RAD54L2: variants seen among roughly 807,000 people sequenced by gnomAD.
The protein encoded by RAD54L2 is helicase ARIP4.
A neutral mutation model predicts 138.4 loss-of-function variants in RAD54L2; 27 were observed. The observed-to-expected ratio is 0.20, with a 90% CI of 0.14 to 0.27. The LOEUF is 0.27. RAD54L2 is among the 10% of genes least tolerant of loss of function. The pLI is 1.00. For missense variants in RAD54L2, 1,396 were observed against 1,890.2 expected (o/e 0.74, Z 4.85); for synonymous variants, 644 against 723.2 (o/e 0.89, Z 1.76).
chr3:51,550,124 T>C (rs953783926), intron 2 of RAD54L2, among the ~76,000 whole-genome samples: 1 of 152,224 alleles, frequency 6.6e-6, no homozygotes, highest in African/African-American at 2.4e-5. Flanking sequence ...TCTTGGTTGC[T>C]GGTAGTTCCC....
At chr3:51,583,726 C>T (rs114312489) in intron 2 of RAD54L2, among the ~76,000 whole-genome samples, 6 of 151,668 alleles carry the variant, frequency 4.0e-5, no homozygotes, top group South Asian at 2.1e-4. Context: ...CACGCCCGGC[C>T]GACAAGTGGT....
chr3:51,622,965 G>A (rs1700598201), intron 3 of RAD54L2, among the ~76,000 whole-genome samples: 1 of 152,240 alleles, frequency 6.6e-6, no homozygotes, highest in Admixed American at 6.5e-5. Flanking sequence ...AGTAAGGCTG[G>A]ATTTGGTGTT....
chr3:51,613,129 A>G (rs1427510256), intron 3 of RAD54L2, among the ~76,000 whole-genome samples: 3 of 151,960 alleles, frequency 2.0e-5, no homozygotes, highest in East Asian at 1.9e-4. Flanking sequence ...TTTAGTAGAG[A>G]TGGGGTTTCA....
chr3:51,617,185 G>T (rs914716045), intron 3 of RAD54L2, among the ~76,000 whole-genome samples: 1 of 152,020 alleles, frequency 6.6e-6, no homozygotes, highest in African/African-American at 2.4e-5. Flanking sequence ...TCTAGAGATG[G>T]TTTGCTGTTT....
At chr3:51,641,942 C>G in intron 15 of RAD54L2, 75 bp downstream of exon 15, 1 of 1,041,714 alleles carries the variant, frequency 9.6e-7, no homozygotes, top group Middle Eastern at 2.1e-4. Context: ...CTCTCTCTTT[C>G]TCTTTCTCCA....
At chr3:51,570,688 C>T (rs957749208) in intron 2 of RAD54L2, among the ~76,000 whole-genome samples, 4 of 152,040 alleles carry the variant, frequency 2.6e-5, no homozygotes, top group African/African-American at 9.7e-5. Context: ...ATTTCTTGAC[C>T]TTGTGATCCG....
chr3:51,630,122 GC>G, intron 5 of RAD54L2, 149 bp from the exon 6 acceptor site: 1 of 604,742 alleles, frequency 1.7e-6, no homozygotes, highest in African/African-American at 1.9e-5. Context: ...TGGAAGGAGG[GC>G]TGAGGTTTTT....
chr3:51,613,087 C>G (rs1295787881), intron 3 of RAD54L2, among the ~76,000 whole-genome samples: 1 of 152,012 alleles, frequency 6.6e-6, no homozygotes, highest in East Asian at 1.9e-4. Flanking sequence ...CTACAGGCGC[C>G]TGCCACCACA....
Position 51,662,597 on chromosome 3 carries a change from G to A in RAD54L2, c.3581G>A (p.Ser1194Asn), listed in dbSNP as rs1263247515. ...GCTGCTGCCCGGGAATCCCGTCAGA[G>A]CTCCCCAAGCACCAATGCCGCCCTG... ...DVAAARESRQ[S>N]SPSTNAALPG... Residue 1194 changes from serine (S) to asparagine (N), a missense_variant, in exon 23 of 23, where the codon AGC becomes AAC. By Grantham distance (46) the Ser-to-Asn change is conservative. Coordinates refer to ENST00000684192, the MANE Select transcript of RAD54L2 (RefSeq NM_015106.4). This position sits in a 1 kb window ranked among gnomAD's most constrained non-coding sequence, Gnocchi z 4.6. 2 of 1,613,222 alleles carry A rather than the reference G, an allele frequency of 1.2e-6. No homozygotes were observed. Among genetic ancestry groups the A allele is most frequent in the Non-Finnish European group, 1.7e-6 (2 of 1,179,620 alleles).
chr3:51,543,289 A>G (rs570218974), intron 2 of RAD54L2, among the ~76,000 whole-genome samples: 15 of 152,232 alleles, frequency 9.9e-5, no homozygotes, highest in Non-Finnish European at 2.9e-5. Flanking sequence ...TGCCCCCTCC[A>G]TTCTGCTGGT....
At position 51,637,170 on chromosome 3, in the gene RAD54L2, A is replaced by C; in HGVS notation, c.1349A>C (p.Lys450Thr). The stretch of plus-strand genomic sequence containing the variant: ...CCTCTTCCCTCCCTAGAGTTTGAGA[A>C]GGCTTTATGCCGCCCTGGCCCTGAT... The part of the protein sequence containing the change: ...RQQEFRREFE[K>T]ALCRPGPDVV... The change falls in exon 11 of 23, where the codon AAG becomes ACG. Residue 450 changes from lysine (K) to threonine (T), a missense_variant. Lys to Thr is a moderately conservative substitution (Grantham distance 78, BLOSUM62 -1). Around this residue, in one of 7 missense-constraint regions of RAD54L2, gnomAD observed 169 missense variants for 235.6 expected, o/e 0.72. Coordinates refer to ENST00000684192, the MANE Select transcript of RAD54L2 (RefSeq NM_015106.4). This position sits in a 1 kb window ranked among gnomAD's most constrained non-coding sequence, Gnocchi z 5.9. 1 of 1,581,376 alleles carries C rather than the reference A, an allele frequency of 6.3e-7. No homozygotes were observed. Among genetic ancestry groups the C allele is most frequent in the Non-Finnish European group, 8.6e-7 (1 of 1,163,370 alleles).
rs1292756496 is a variant in RAD54L2, at chr3:51,544,137, C to T, written c.-55+2487C>T. On this transcript the variant is annotated intron_variant, in intron 2 of 22. Coordinates refer to ENST00000684192, the MANE Select transcript of RAD54L2 (RefSeq NM_015106.4). ...GGCAGGAGCTTGTCTTGTTTATATC[C>T]CAGCACCTGACCATTTCTGGCACAG... Among the ~76,000 whole-genome samples the T allele has an allele frequency of 2.0e-5, 3 of 152,028 alleles. No individual in the cohort carries two copies. In the South Asian group the frequency reaches 6.2e-4, roughly 31 times the overall value.
intron 2 of RAD54L2, among the ~76,000 whole-genome samples, chr3:51,559,436 G>C (rs1699049995): frequency 6.6e-6 from 1 of 152,098 alleles, no homozygotes; most frequent in African/African-American, 2.4e-5. Flanking sequence ...TCTTACACTT[G>C]GTAACTCGGT....
chr3:51,608,563 G>A (rs951870665), intron 3 of RAD54L2, among the ~76,000 whole-genome samples: 5 of 152,218 alleles, frequency 3.3e-5, no homozygotes, highest in African/African-American at 4.8e-5. Context: ...GCGAGACTCC[G>A]TCTGCAATCC....
intron 19 of RAD54L2, among the ~76,000 whole-genome samples, chr3:51,650,488 T>C (rs1194114663): frequency 6.6e-6 from 1 of 152,228 alleles, no homozygotes; most frequent in African/African-American, 2.4e-5. Flanking sequence ...TACACATTCT[T>C]CTCAGCACCA....
intron 2 of RAD54L2, among the ~76,000 whole-genome samples, chr3:51,544,324 A>G (rs1231607075): frequency 2.6e-5 from 4 of 152,198 alleles, no homozygotes; most frequent in Admixed American, 2.0e-4. Flanking sequence ...TTGTTTTTCC[A>G]GGTTGCTAAA....
chr3:51,550,512 C>CA (rs1472339455), intron 2 of RAD54L2, among the ~76,000 whole-genome samples: 2 of 152,076 alleles, frequency 1.3e-5, no homozygotes, highest in Middle Eastern at 3.2e-3. Context: ...CCTGTAATCC[C>CA]AACACTTTGG....
intron 19 of RAD54L2, among the ~76,000 whole-genome samples, chr3:51,654,605 T>G (rs1275511067): frequency 2.0e-5 from 3 of 152,200 alleles, no homozygotes; most frequent in Non-Finnish European, 4.4e-5. Context: ...AATGGTCTCT[T>G]CTCTTTTCCT....
At chr3:51,603,176 T>G (rs963528918) in intron 3 of RAD54L2, among the ~76,000 whole-genome samples, 5 of 148,162 alleles carry the variant, frequency 3.4e-5, no homozygotes, top group Non-Finnish European at 7.4e-5. Context: ...AGGCATGGTG[T>G]CAAGCACCTG....
Sources: allele counts gnomAD v4.1 joint callset (sites outside exome capture counted in the v4.1 genomes callset), GRCh38; gene constraint gnomAD v4.1.1; regional missense constraint gnomAD v4.1.1; non-coding constraint Gnocchi (gnomAD v3.1); transcripts MANE v1.5; gene names NCBI Gene and HGNC (gene_info 2026-07-23, HGNC 2026-07-21).